The following ALK variants were observed in gnomAD, a reference collection of about 807,000 sequenced individuals.
ALK encodes ALK receptor tyrosine kinase, also known as ALK tyrosine kinase receptor.
ALK carries 74 observed loss-of-function variants against 163.1 expected under a neutral mutation model. That is an observed-to-expected ratio of 0.45 (90% CI 0.38 to 0.55). The LOEUF (loss-of-function observed/expected upper bound fraction) is 0.55. ALK is among the 20% of genes least tolerant of loss of function. The probability of loss-of-function intolerance (pLI) is 0.00; values close to 1 mark genes in which losing one functional copy is unlikely to be tolerated. For missense variants in ALK, 2,063 were observed against 2,105.3 expected, an observed-to-expected ratio of 0.98 and a Z score of 0.39; for synonymous variants, 960 against 843.2, an observed-to-expected ratio of 1.14 and a Z score of -2.40.
chr2:29,682,999 C>T (rs1165622732), intron 3 of ALK, among the ~76,000 whole-genome samples: 1 of 152,176 alleles, frequency 6.6e-6, no homozygotes, highest in Non-Finnish European at 1.5e-5. Context: ...TTTCCAAATA[C>T]TAACAGCTTC....
intron 11 of ALK, among the ~76,000 whole-genome samples, chr2:29,271,823 C>G (rs1217348334): frequency 1.3e-5 from 2 of 152,238 alleles, no homozygotes; most frequent in African/African-American, 4.8e-5. Flanking sequence ...GCAGACCTAC[C>G]TCTCACCAAA....
chr2:29,795,177 GACAC>G (rs112686547), intron 1 of ALK, among the ~76,000 whole-genome samples: 3 of 149,198 alleles, frequency 2.0e-5, no homozygotes, highest in Admixed American at 6.7e-5. Context: ...AGAAAATTCA[GACAC>G]ACACACACAC....
intron 1 of ALK, among the ~76,000 whole-genome samples, chr2:29,848,413 A>G (rs1665902527): frequency 6.6e-6 from 1 of 151,960 alleles, no homozygotes; most frequent in Non-Finnish European, 1.5e-5. Context: ...AAGGAAGGAA[A>G]TGAACATGTG....
intron 1 of ALK, among the ~76,000 whole-genome samples, chr2:29,853,655 A>G (rs72856224): frequency 0.013 from 1,970 of 152,184 alleles, 37 homozygotes; most frequent in African/African-American, 0.045. Context: ...CCATCTGCCA[A>G]CTCAAACCTC....
chr2:29,364,133 A>G (rs2148288463), intron 5 of ALK, among the ~76,000 whole-genome samples: 1 of 152,334 alleles, frequency 6.6e-6, no homozygotes, highest in East Asian at 1.9e-4. Flanking sequence ...TCATGGTTAG[A>G]GATTAACGAA....
chr2:29,500,219 G>C (rs1454374095), intron 4 of ALK, among the ~76,000 whole-genome samples: 1 of 152,168 alleles, frequency 6.6e-6, no homozygotes, highest in Admixed American at 6.5e-5. Context: ...CTGGATCATG[G>C]GGGTGGAATC....
intron 4 of ALK, among the ~76,000 whole-genome samples, chr2:29,410,078 G>C (rs568415279): frequency 1.3e-5 from 2 of 152,238 alleles, no homozygotes; most frequent in South Asian, 2.1e-4. Context: ...TAACAACAAG[G>C]ATACATCCAA....
intron 2 of ALK, among the ~76,000 whole-genome samples, chr2:29,716,833 T>C (rs1430838613): frequency 6.6e-6 from 1 of 151,832 alleles, no homozygotes; most frequent in Non-Finnish European, 1.5e-5. Context: ...ACGCTCATAA[T>C]AATAATCCCC....
intron 1 of ALK, among the ~76,000 whole-genome samples, chr2:29,745,791 T>C (rs1008438396): frequency 1.3e-5 from 2 of 152,216 alleles, no homozygotes; most frequent in Non-Finnish European, 2.9e-5. Context: ...GTCTGACTGC[T>C]ACCATAGTGC....
At chr2:29,197,446 G>C (rs1669050165) in intron 27 of ALK, 96 bp downstream of exon 27, 1 of 1,570,146 alleles carries the variant, frequency 6.4e-7, no homozygotes, top group South Asian at 1.2e-5. Context: ...GCAGCCATCT[G>C]CCCCTTCATC....
chr2:29,641,337 T>C (rs1161764258), intron 3 of ALK, among the ~76,000 whole-genome samples: 1 of 151,914 alleles, frequency 6.6e-6, no homozygotes, highest in African/African-American at 2.4e-5. Flanking sequence ...GCAAGAGTCT[T>C]GAATGAACAG....
In ALK at chr2:29,194,080, T is replaced by C. The variant is rs12619135; in HGVS notation, c.4165-158A>G. The stretch of plus-strand genomic sequence containing the variant: ...CTTACAGGCACTGGGGCATACAAAA[T>C]GAATGGGAAGTCATCCTTATCCTCA... On this transcript the variant is annotated intron_variant, in intron 28 of 28. Coordinates refer to ENST00000389048, the MANE Select transcript of ALK (RefSeq NM_004304.5). 0.28 allele frequency among the ~76,000 whole-genome samples: 42,394 copies of C among 151,872 alleles called. 7,109 individuals are homozygous for C. The highest frequency in any genetic ancestry group is 0.74 in the East Asian group (3,795 of 5,138).
intron 3 of ALK, among the ~76,000 whole-genome samples, chr2:29,647,662 T>C (rs1285205918): frequency 6.6e-6 from 1 of 152,074 alleles, no homozygotes; most frequent in Non-Finnish European, 1.5e-5. Context: ...ATTAAGCCCG[T>C]CCATACACTT....
At chr2:29,421,785 T>C (rs1670021156) in intron 4 of ALK, among the ~76,000 whole-genome samples, 1 of 151,602 alleles carries the variant, frequency 6.6e-6, no homozygotes, top group Non-Finnish European at 1.5e-5. Flanking sequence ...TGTGTACCTC[T>C]GCCCAGATCG....
chr2:29,634,046 A>G (rs570883703), intron 3 of ALK, among the ~76,000 whole-genome samples: 4 of 152,220 alleles, frequency 2.6e-5, no homozygotes, highest in Non-Finnish European at 5.9e-5. Context: ...TCATTTATAT[A>G]TATTTTAGAG....
chr2:29,750,441 C>T (rs1233702341), intron 1 of ALK, among the ~76,000 whole-genome samples: 1 of 151,296 alleles, frequency 6.6e-6, no homozygotes, highest in East Asian at 2.0e-4. Flanking sequence ...GGTGGGAGGA[C>T]TCCTTGAGCC....
chr2:29,342,704 G>A (rs906736933), intron 5 of ALK, among the ~76,000 whole-genome samples: 1 of 152,044 alleles, frequency 6.6e-6, no homozygotes. Context: ...AAAGCCTGTG[G>A]CTGAGGCCCC....
intron 1 of ALK, among the ~76,000 whole-genome samples, chr2:29,724,682 G>A (rs945511503): frequency 1.1e-4 from 17 of 152,242 alleles, no homozygotes; most frequent in Admixed American, 2.6e-4. Context: ...GAAAATGAGC[G>A]GTTTGAACTC....
chr2:29,862,491 T>A (rs1666321153), intron 1 of ALK, among the ~76,000 whole-genome samples: 1 of 152,130 alleles, frequency 6.6e-6, no homozygotes, highest in African/African-American at 2.4e-5. Context: ...AGCATTTCTA[T>A]ATACTAATAA....
Sources: allele counts gnomAD v4.1 joint callset (sites outside exome capture counted in the v4.1 genomes callset), GRCh38; gene constraint gnomAD v4.1.1; transcripts MANE v1.5; gene names NCBI Gene and HGNC (gene_info 2026-07-23, HGNC 2026-07-21).